Variants in PTPN4 observed in about 807,000 individuals in gnomAD.
The protein encoded by PTPN4 is protein tyrosine phosphatase non-receptor type 4.
In PTPN4, 49 loss-of-function variants were observed where a neutral mutation model predicts 135.5. The ratio of observed to expected loss-of-function variants is 0.36; its 90% confidence interval spans 0.29 to 0.46. The LOEUF (loss-of-function observed/expected upper bound fraction) is 0.46. Among genes scored for constraint, PTPN4 ranks in the 20% least tolerant of loss-of-function variants. The pLI, the probability that PTPN4 is intolerant of heterozygous loss-of-function variation, is 1.00. For missense variants in PTPN4, 860 were observed against 1,101.0 expected (o/e 0.78, Z 3.10); for synonymous variants, 333 against 369.9 (o/e 0.90, Z 1.14).
At position 119,920,857 on chromosome 2, in the gene PTPN4, A is replaced by G. The variant is rs187030041; in HGVS notation, c.1001+616A>G. On this transcript the variant is annotated intron_variant, in intron 12 of 26. Transcript: ENST00000263708. ...TACCTTTGGAATTCTTAAAAGACCCATGCAAGCTAGTTTTTAAGTGGAACC... is the reference window on the plus strand; with the variant it reads ...TACCTTTGGAATTCTTAAAAGACCCGTGCAAGCTAGTTTTTAAGTGGAACC... Among the ~76,000 whole-genome samples, 273 of 152,372 alleles carry G rather than the reference A, an allele frequency of 1.8e-3. 1 individual carries two copies. Among genetic ancestry groups the G allele is most frequent in the Middle Eastern group, 3.4e-3 (1 of 294 alleles).
intron 2 of PTPN4, among the ~76,000 whole-genome samples, chr2:119,853,155 G>T (rs1202232342): frequency 6.6e-6 from 1 of 152,136 alleles, no homozygotes; most frequent in Non-Finnish European, 1.5e-5. Flanking sequence ...ATGTTGTTGG[G>T]TTCTTTTATA....
intron 26 of PTPN4, among the ~76,000 whole-genome samples, chr2:119,972,515 A>G (rs1406911038): frequency 6.6e-6 from 1 of 151,832 alleles, no homozygotes; most frequent in African/African-American, 2.4e-5. Flanking sequence ...TAGATATGTT[A>G]CTTCTTTCCA....
At chr2:119,929,942 G>T (rs891681665) in intron 13 of PTPN4, among the ~76,000 whole-genome samples, 2 of 151,990 alleles carry the variant, frequency 1.3e-5, no homozygotes, top group Admixed American at 1.3e-4. Context: ...CTTACATTTC[G>T]TAGTTTAATA....
At chr2:119,953,790 C>T (rs1326200743) in intron 19 of PTPN4, among the ~76,000 whole-genome samples, 1 of 152,102 alleles carries the variant, frequency 6.6e-6, no homozygotes, top group African/African-American at 2.4e-5. Flanking sequence ...GATACTTTGA[C>T]ACCAAGACAT....
chr2:119,857,110 G>A (rs1315921495), intron 2 of PTPN4, among the ~76,000 whole-genome samples: 3 of 151,730 alleles, frequency 2.0e-5, no homozygotes, highest in Non-Finnish European at 2.9e-5. Context: ...TTTTGAGACA[G>A]TCTTACTCTG....
chr2:119,889,970 A>G (rs2105007990), intron 9 of PTPN4, among the ~76,000 whole-genome samples: 1 of 152,326 alleles, frequency 6.6e-6, no homozygotes, highest in Non-Finnish European at 1.5e-5. Context: ...CCATGTGCTT[A>G]TGAAAATAAT....
intron 26 of PTPN4, among the ~76,000 whole-genome samples, chr2:119,972,174 A>AT (rs1479066310): frequency 9.1e-5 from 2 of 21,954 alleles, no homozygotes; most frequent in Admixed American, 1.4e-3. Flanking sequence ...TTCTGAAAAA[A>AT]TAAAAAAAAA....
Position 119,842,606 on chromosome 2 carries a change from A to G in PTPN4, c.139-19930A>G, listed in dbSNP as rs775867051. Among the ~76,000 whole-genome samples the G allele has an allele frequency of 2.2e-3, 337 of 152,334 alleles. 4 individuals carry two copies. Among genetic ancestry groups the G allele is most frequent in the Non-Finnish European group, 3.6e-3 (242 of 68,010 alleles). Reference sequence around the variant, plus strand: ...ATAAAATAGTTATTGAATGCCTACTATTGATAGACGTGTAGAGTAGGGTTT... The same window carrying G: ...ATAAAATAGTTATTGAATGCCTACTGTTGATAGACGTGTAGAGTAGGGTTT... On this transcript the variant is annotated intron_variant, in intron 2 of 26. Transcript: ENST00000263708.
chr2:119,838,294 A>T (rs938240602), intron 2 of PTPN4, among the ~76,000 whole-genome samples: 2 of 152,124 alleles, frequency 1.3e-5, no homozygotes, highest in Non-Finnish European at 2.9e-5. Flanking sequence ...GTAGCCTGCC[A>T]GGTCAAGTGG....
rs936779884 is a variant in PTPN4, at chr2:119,869,653, C to T, written c.246+7010C>T. Among the ~76,000 whole-genome samples the T allele has an allele frequency of 5.9e-5, 9 of 152,118 alleles. No individual in the cohort carries two copies. In the South Asian group the frequency reaches 8.3e-4, roughly 14 times the overall value. On this transcript the variant is annotated intron_variant, in intron 3 of 26. Transcript: ENST00000263708. ...TGCCTGTGTAGGATTTGAACTTGCC[C>T]GTAGGCAAAGATTGCTAATATATAT...
chr2:119,814,373 C>T lies in PTPN4; in HGVS notation c.138+4382C>T, dbSNP rs143560744. Among the ~76,000 whole-genome samples, 548 of 152,226 alleles carry T rather than the reference C, an allele frequency of 3.6e-3. 4 individuals are homozygous for T. Among genetic ancestry groups the T allele is most frequent in the Middle Eastern group, 0.014 (4 of 294 alleles). On this transcript the variant is annotated intron_variant, in intron 2 of 26. Coordinates refer to ENST00000263708, the MANE Select transcript of PTPN4 (RefSeq NM_002830.4). Reference sequence around the variant, plus strand: ...TTCCAGAGTCCTTCTGGTTCATTTTCTTCAGAGAGTAAATCTCCAGTTCCT... The same window carrying T: ...TTCCAGAGTCCTTCTGGTTCATTTTTTTCAGAGAGTAAATCTCCAGTTCCT...
intron 1 of PTPN4, 75 bp from the exon 2 acceptor site, chr2:119,809,762 A>G: frequency 7.9e-7 from 1 of 1,271,892 alleles, no homozygotes; most frequent in Non-Finnish European, 1.1e-6. Context: ...GAAATATATA[A>G]TAACTTTGCC....
intron 11 of PTPN4, among the ~76,000 whole-genome samples, chr2:119,917,760 A>G (rs1425702597): frequency 6.6e-6 from 1 of 152,028 alleles, no homozygotes; most frequent in Non-Finnish European, 1.5e-5. Context: ...GAAAAAAAAG[A>G]CAGTATACAG....
Position 119,799,238 on chromosome 2 carries a change from T to G in PTPN4, c.-17-10599T>G, listed in dbSNP as rs115621794. Among the ~76,000 whole-genome samples the G allele has an allele frequency of 2.7e-3, 412 of 152,340 alleles. 1 individual carries two copies. The highest frequency in any genetic ancestry group is 9.4e-3 in the African/African-American group (390 of 41,590). On this transcript the variant is annotated intron_variant, in intron 1 of 26. Coordinates refer to ENST00000263708, the MANE Select transcript of PTPN4 (RefSeq NM_002830.4). ...ATACTAATTTTTGTCACAGCTATTT[T>G]TAACCTCCATAAGTGAAATGCTGAA...
intron 15 of PTPN4, among the ~76,000 whole-genome samples, chr2:119,944,110 G>T (rs565874824): frequency 6.6e-6 from 1 of 152,232 alleles, no homozygotes; most frequent in African/African-American, 2.4e-5. Context: ...CAGATACTAG[G>T]TATAAAATGT....
intron 15 of PTPN4, among the ~76,000 whole-genome samples, chr2:119,944,120 T>A (rs918264146): frequency 6.6e-6 from 1 of 152,222 alleles, no homozygotes; most frequent in African/African-American, 2.4e-5. Flanking sequence ...GTATAAAATG[T>A]GTGCTTCAGT....
intron 15 of PTPN4, among the ~76,000 whole-genome samples, chr2:119,938,716 T>C (rs929784973): frequency 2.6e-5 from 4 of 152,218 alleles, no homozygotes; most frequent in African/African-American, 9.6e-5. Context: ...ATTCTGGATA[T>C]ATTCTGATAA....
At chr2:119,786,785 G>A (rs530805972) in intron 1 of PTPN4, among the ~76,000 whole-genome samples, 3 of 152,282 alleles carry the variant, frequency 2.0e-5, no homozygotes, top group Non-Finnish European at 4.4e-5. Flanking sequence ...TCTTGGTGTA[G>A]TGGCAAAATT....
At chr2:119,898,498 C>A (rs1435021189) in intron 9 of PTPN4, among the ~76,000 whole-genome samples, 1 of 152,092 alleles carries the variant, frequency 6.6e-6, no homozygotes, top group Non-Finnish European at 1.5e-5. Flanking sequence ...TAATAGGGAG[C>A]CATTCATGCT....
Sources: gnomAD v4.1 joint callset for allele counts (sites outside exome capture counted in the v4.1 genomes callset) on GRCh38, gnomAD v4.1.1 for gene constraint, MANE v1.5 for transcripts, NCBI Gene and HGNC (gene_info 2026-07-23, HGNC 2026-07-21) for gene names.